Variants in TRNT1 observed in about 807,000 individuals in gnomAD.
TRNT1 encodes the protein tRNA nucleotidyl transferase 1.
A neutral mutation model predicts 45.6 loss-of-function variants in TRNT1; 44 were observed. The observed-to-expected ratio is 0.97, with a 90% CI of 0.76 to 1.24. The LOEUF is 1.24. Among genes scored for constraint, TRNT1 ranks in the 50% most tolerant of loss-of-function variants. The pLI is 0.00. For missense variants in TRNT1, 633 were observed against 504.4 expected, an observed-to-expected ratio of 1.25 and a Z score of -2.44; for synonymous variants, 201 against 171.4, an observed-to-expected ratio of 1.17 and a Z score of -1.35.
chr3:3,140,042 C>A (rs533240133), intron 3 of TRNT1, among the ~76,000 whole-genome samples: 1 of 152,242 alleles, frequency 6.6e-6, no homozygotes, highest in African/African-American at 2.4e-5. Context: ...ATTTTAATTT[C>A]ACTGGGGATT....
rs3762759 is a variant in TRNT1, at chr3:3,129,338, C to T, written c.148+150C>T. 0.21 allele frequency: 162,191 copies of T among 759,098 alleles called. 24,247 individuals are homozygous for T. The highest frequency in any genetic ancestry group is 0.72 in the East Asian group (25,318 of 35,084). The allele number at this position is 759,098 out of a possible 1,614,324, so 47.0% of individuals were successfully genotyped here. On this transcript the variant is annotated intron_variant, in intron 2 of 7. Transcript: ENST00000251607. ...AAGTAGAGGGTCTCTTTGTGTTGCC[C>T]AGGCTGGTCTCAAAACTCCTGGGCT...
At chr3:3,145,604 A>G (rs528284573) in intron 5 of TRNT1, 1 of 152,248 alleles carries the variant, frequency 6.6e-6, no homozygotes, top group African/African-American at 2.4e-5. Flanking sequence ...GTCACACACT[A>G]ACCTTTTTAA....
chr3:3,128,870 C>G, intron 1 of TRNT1, 144 bp from the exon 2 acceptor site: 3 of 639,800 alleles, frequency 4.7e-6, no homozygotes, highest in Non-Finnish European at 5.3e-6. Flanking sequence ...GTCGTAATCC[C>G]TCAAACTGAC....
intron 5 of TRNT1, 111 bp from the exon 6 acceptor site, chr3:3,146,319 G>A: frequency 5.5e-6 from 4 of 731,808 alleles, no homozygotes; most frequent in Non-Finnish European, 8.6e-6. Context: ...CTAATTATAT[G>A]TTGTTTTCAT....
At chr3:3,127,823 G>GCGAGTGT (rs1403488805) in intron 1 of TRNT1, 3 of 152,298 alleles carry the variant, frequency 2.0e-5, no homozygotes, top group Non-Finnish European at 4.4e-5. Flanking sequence ...CATGTGGCAT[G>GCGAGTGT]CGAGTGTCGT....
At position 3,148,246 on chromosome 3, in the gene TRNT1, A is replaced by AAAG. The variant is rs1303129740; in HGVS notation, c.*94_*96dup. 1 of 1,432,576 alleles carries AAAG rather than the reference A, an allele frequency of 7.0e-7. No individual in the cohort carries two copies. Among genetic ancestry groups the AAAG allele is most frequent in the East Asian group, 2.3e-5 (1 of 43,338 alleles). 88.7% of individuals were successfully genotyped at this position (1,432,576 alleles called of 1,614,324 possible). A position where few individuals can be genotyped will look rare whatever the true frequency, so the allele number is the denominator to read the frequency against. On this transcript the variant is annotated 3_prime_UTR_variant, in exon 8 of 8. Coordinates refer to ENST00000251607, the MANE Select transcript of TRNT1 (RefSeq NM_182916.3). The stretch of plus-strand genomic sequence containing the variant: ...AGGTTTTAGAGACTACACCAGAATA[A>AAAG]AAGACAGTTTAGGGGACCTCTGTAG...
At position 3,137,431 on chromosome 3, in the gene TRNT1, A is replaced by G. The variant is rs764696586; in HGVS notation, c.320A>G (p.Lys107Arg). Residue 107 changes from lysine to arginine, a missense_variant, in exon 3 of 8, where the codon AAG becomes AGG. Transcript: ENST00000251607. ...CGGATGATAAACAACAGAGGAGAAA[A>G]GCACGGAACAATTACTGCCAGGGTG... ...GIRMINNRGE[K>R]HGTITARLHE... 2.6e-5 allele frequency: 42 copies of G among 1,611,162 alleles called. No homozygotes were observed. The Admixed American group carries it at 2.7e-4, about 10-fold the overall frequency.
rs1381547637 is a variant in TRNT1, at chr3:3,148,849, G to GATAA, written c.*699_*702dup. 2 of 152,088 alleles carry GATAA rather than the reference G, an allele frequency of 1.3e-5. No individual in the cohort carries two copies. Among genetic ancestry groups the GATAA allele is most frequent in the African/African-American group, 4.8e-5 (2 of 41,418 alleles). The allele number at this position is 152,088 out of a possible 1,614,324, so 9.4% of individuals were successfully genotyped here. ...AATAAAACAAACATTGGTATTGGAA[G>GATAA]ATAAATATGTTTATGTGGTATCTGA... On this transcript the variant is annotated 3_prime_UTR_variant, in exon 8 of 8. Transcript: ENST00000251607.
rs1174186377 is a variant in TRNT1 at position 3,146,616 on chromosome 3, T to C, written c.795T>C (p.Pro265=). 1 of 1,606,600 alleles carries C rather than the reference T, an allele frequency of 6.2e-7. No individual in the cohort carries two copies. Residue 265 remains proline (P), a synonymous_variant, in exon 6 of 8, where the codon CCT becomes CCC. Coordinates refer to ENST00000251607, the MANE Select transcript of TRNT1 (RefSeq NM_182916.3). The stretch of plus-strand genomic sequence containing the variant: ...TTATCTATGATCTTGATGTGGCTCC[T>C]TATATAGGTGAGAGCAAGTTATAAA... ...IHLIYDLDVA[P]YIGLPANASL...
chr3:3,149,983 A>G (rs1331788229), downstream of TRNT1: 1 of 152,160 alleles, frequency 6.6e-6, no homozygotes, highest in African/African-American at 2.4e-5. Flanking sequence ...ATGAGTAGAT[A>G]TTTTACATTA....
chr3:3,151,116 A>T (rs1221081101), downstream of TRNT1: 17 of 1,520,194 alleles, frequency 1.1e-5, no homozygotes, highest in Non-Finnish European at 1.5e-5. Context: ...TAAACCTATC[A>T]TGAAGACAGA....
chr3:3,143,938 CTATT>C (rs1705819458), intron 4 of TRNT1, among the ~76,000 whole-genome samples: 1 of 152,132 alleles, frequency 6.6e-6, no homozygotes, highest in South Asian at 2.1e-4. Flanking sequence ...TATAGGTAGC[CTATT>C]TTTCTATTTA....
chr3:3,152,603 A>G (rs747523113), downstream of TRNT1: 2 of 1,614,058 alleles, frequency 1.2e-6, no homozygotes, highest in Admixed American at 3.3e-5. Flanking sequence ...ACAAAGAATC[A>G]ACATGGAGAA....
intron 2 of TRNT1, among the ~76,000 whole-genome samples, chr3:3,132,744 ACAC>A (rs1483385890): frequency 4.0e-5 from 5 of 124,188 alleles, no homozygotes; most frequent in Non-Finnish European, 6.6e-5. Flanking sequence ...AAAAAAAAAA[ACAC>A]AAAAAAAAAA....
downstream of TRNT1, chr3:3,150,316 A>G (rs1706426107): frequency 6.6e-6 from 1 of 152,514 alleles, no homozygotes; most frequent in East Asian, 1.9e-4. Flanking sequence ...AAAATTTACA[A>G]ATCAGTATCT....
chr3:3,128,428 C>T (rs529697656), intron 1 of TRNT1, among the ~76,000 whole-genome samples: 2 of 152,022 alleles, frequency 1.3e-5, no homozygotes, highest in Non-Finnish European at 2.9e-5. Flanking sequence ...AAAACCCCGT[C>T]TCTACCCAGA....
At chr3:3,147,301 T>A in intron 6 of TRNT1, 149 bp from the exon 7 acceptor site, 1 of 827,092 alleles carries the variant, frequency 1.2e-6, no homozygotes. Flanking sequence ...TATTAGTGGT[T>A]CGCCTTTAAG....
intron 4 of TRNT1, 37 bp downstream of exon 4, chr3:3,140,685 C>G: frequency 3.1e-6 from 5 of 1,594,812 alleles, no homozygotes; most frequent in Non-Finnish European, 4.3e-6. Context: ...GTGAGTCTAT[C>G]AGAATGCCTT....
chr3:3,129,032 C>T lies in TRNT1; in HGVS notation c.-9C>T. On this transcript the variant is annotated 5_prime_UTR_variant, in exon 2 of 8. Transcript: ENST00000251607. ...CTTGTAGATGTGTAGTTGGTGACTG[C>T]CTCTCCAGATGCTGAGGTGCCTGTA... is the stretch of plus-strand genomic sequence containing the variant. The T allele has an allele frequency of 6.3e-7, 1 of 1,598,736 alleles. No homozygotes were observed.
Sources: allele counts gnomAD v4.1 joint callset (sites outside exome capture counted in the v4.1 genomes callset), GRCh38; gene constraint gnomAD v4.1.1; transcripts MANE v1.5; gene names NCBI Gene and HGNC (gene_info 2026-07-23, HGNC 2026-07-21).